The following EFHC1 variants were observed in gnomAD, a reference collection of about 807,000 sequenced individuals.
The protein encoded by EFHC1 is EF-hand domain-containing protein 1.
EFHC1 carries 53 observed loss-of-function variants against 69.9 expected under a neutral mutation model. The observed-to-expected ratio is 0.76, with a 90% CI of 0.61 to 0.95. The LOEUF is 0.95. EFHC1 is among the 40% of genes least tolerant of loss of function. The pLI, the probability that EFHC1 is intolerant of heterozygous loss-of-function variation, is 0.00. For missense variants in EFHC1, 739 were observed against 798.7 expected (o/e 0.93, Z 0.90); for synonymous variants, 256 against 278.4 (o/e 0.92, Z 0.80).
chr6:52,438,178 C>T (rs1764575600), intron 2 of EFHC1, 126 bp from the exon 3 acceptor site: 3 of 912,278 alleles, frequency 3.3e-6, no homozygotes, highest in Middle Eastern at 3.3e-4. Context: ...TCAAGATTTA[C>T]AGGATAGAAG....
At chr6:52,463,965 CTT>C (rs1765235116) in intron 5 of EFHC1, among the ~76,000 whole-genome samples, 1 of 152,184 alleles carries the variant, frequency 6.6e-6, no homozygotes, top group Non-Finnish European at 1.5e-5. Context: ...ATAGCAGAAA[CTT>C]AGCCTTATTC....
chr6:52,496,372 G>A lies in EFHC1; in HGVS notation c.*4031G>A, dbSNP rs1005240832. 2.0e-5 allele frequency: 3 copies of A among 152,286 alleles called. No homozygotes were observed. The highest frequency in any genetic ancestry group is 2.0e-4 in the Admixed American group (3 of 15,284). 9.4% of individuals were successfully genotyped at this position (152,286 alleles called of 1,614,324 possible). On this transcript the variant is annotated 3_prime_UTR_variant, in exon 11 of 11. Coordinates refer to ENST00000371068, the MANE Select transcript of EFHC1 (RefSeq NM_018100.4). The stretch of plus-strand genomic sequence containing the variant: ...GCGGGTAAAGATGGGCTGTGAGTTA[G>A]CCACTACTCAGAAACCTGGGCCTGT...
At chr6:52,490,836 A>G (rs1581854837) in intron 10 of EFHC1, 2 of 178,372 alleles carry the variant, frequency 1.1e-5, no homozygotes, top group East Asian at 2.9e-4. Context: ...AAGGGCATGG[A>G]AGTTTTCTTC....
chr6:52,440,604 G>A (rs922286758), intron 3 of EFHC1, among the ~76,000 whole-genome samples: 1 of 151,914 alleles, frequency 6.6e-6, no homozygotes, highest in Non-Finnish European at 1.5e-5. Context: ...ATACTTGCGG[G>A]TATGTCTTTA....
Position 52,452,755 on chromosome 6 carries a change from A to T in EFHC1, c.641A>T (p.Glu214Val), listed in dbSNP as rs751086702. The T allele has an allele frequency of 1.4e-5, 22 of 1,614,212 alleles. No homozygotes were observed. The South Asian group carries it at 2.4e-4, about 18-fold the overall frequency. Residue 214 changes from glutamate to valine, a missense_variant, in exon 4 of 11, where the codon GAA becomes GTA. Glu to Val is a moderately radical substitution (Grantham distance 121). Transcript: ENST00000371068. ...PEKMALDPYT[E>V]LRKQPLRKYV... ...AAGATGGCTCTTGATCCTTACACTG[A>T]ACTCCGAAAACAGCCTCTTCGTAAG...
chr6:52,443,007 T>C (rs1764699729), intron 3 of EFHC1, among the ~76,000 whole-genome samples: 1 of 151,084 alleles, frequency 6.6e-6, no homozygotes, highest in African/African-American at 2.4e-5. Flanking sequence ...ATGAGATGTG[T>C]GGTTTTGATT....
chr6:52,465,011 T>G lies in EFHC1; in HGVS notation c.1033T>G (p.Tyr345Asp). 5 of 1,614,204 alleles carry G rather than the reference T, an allele frequency of 3.1e-6. No homozygotes were observed. The highest frequency in any genetic ancestry group is 4.2e-6 in the Non-Finnish European group (5 of 1,180,034). The change falls in exon 6 of 11, where the codon TAT becomes GAT. Residue 345 changes from tyrosine (Y) to aspartate (D), a missense_variant. Physicochemically the swap from Tyr to Asp is radical, Grantham distance 160. Coordinates refer to ENST00000371068, the MANE Select transcript of EFHC1 (RefSeq NM_018100.4). ...TATCCTTGGGAGAACTTTCTTCATT[T>G]ATGATTGTGATCCATTTACTCGACG... ...LTILGRTFFI[Y>D]DCDPFTRRYY...
chr6:52,421,787 T>C (rs966761824), intron 1 of EFHC1, among the ~76,000 whole-genome samples: 5 of 152,252 alleles, frequency 3.3e-5, no homozygotes, highest in African/African-American at 9.6e-5. Flanking sequence ...TTCAGTTTTA[T>C]GTAATTTAGA....
At chr6:52,430,534 A>G (rs571739712) in intron 2 of EFHC1, among the ~76,000 whole-genome samples, 45 of 152,290 alleles carry the variant, frequency 3.0e-4, no homozygotes, top group Non-Finnish European at 1.8e-4. Context: ...ATGTTAAATC[A>G]TCCCTGCATC....
At chr6:52,437,237 A>G (rs761617306) in intron 2 of EFHC1, among the ~76,000 whole-genome samples, 22 of 152,172 alleles carry the variant, frequency 1.4e-4, no homozygotes, top group Non-Finnish European at 2.9e-4. Context: ...AAAGAAGTGC[A>G]ATTAACCCTT....
chr6:52,435,129 T>A (rs1432714191), intron 2 of EFHC1, among the ~76,000 whole-genome samples: 1 of 152,150 alleles, frequency 6.6e-6, no homozygotes, highest in Non-Finnish European at 1.5e-5. Context: ...ATGTCCTCTT[T>A]ATGATGATAA....
At chr6:52,471,740 C>G (rs1256824646) in intron 7 of EFHC1, among the ~76,000 whole-genome samples, 1 of 152,008 alleles carries the variant, frequency 6.6e-6, no homozygotes, top group Admixed American at 6.5e-5. Flanking sequence ...TGGTGGCATG[C>G]ACCTGTAATC....
chr6:52,455,382 C>T (rs545929583), intron 5 of EFHC1, among the ~76,000 whole-genome samples: 7 of 151,422 alleles, frequency 4.6e-5, no homozygotes, highest in African/African-American at 9.7e-5. Context: ...GGGCTGGGCA[C>T]GGTGGCTCAC....
At position 52,493,627 on chromosome 6, in the gene EFHC1, G is replaced by A. The variant is rs1011999302; in HGVS notation, c.*1286G>A. On this transcript the variant is annotated 3_prime_UTR_variant, in exon 11 of 11. Coordinates refer to ENST00000371068, the MANE Select transcript of EFHC1 (RefSeq NM_018100.4). ...AGACCACGCCACTGCACTCCATCCA[G>A]CCTGGGTGACAGAGCAAGACTCCAT... The A allele has an allele frequency of 1.1e-5, 5 of 452,252 alleles. No individual in the cohort carries two copies. The highest frequency in any genetic ancestry group is 2.2e-5 in the Non-Finnish European group (5 of 226,520). The allele number at this position is 452,252 out of a possible 1,614,324, so 28.0% of individuals were successfully genotyped here.
intron 2 of EFHC1, chr6:52,429,850 T>G (rs1764379682): frequency 6.6e-6 from 1 of 152,042 alleles, no homozygotes; most frequent in South Asian, 2.1e-4. Flanking sequence ...ATTATTTGTT[T>G]CATTATTTGT....
chr6:52,470,925 A>G (rs1159384439), intron 7 of EFHC1, among the ~76,000 whole-genome samples: 1 of 152,242 alleles, frequency 6.6e-6, no homozygotes, highest in Non-Finnish European at 1.5e-5. Flanking sequence ...AAGTTAAAGC[A>G]TTTACAGAGA....
At chr6:52,453,771 A>G in intron 4 of EFHC1, 1 of 1,264,140 alleles carries the variant, frequency 7.9e-7, no homozygotes, top group Non-Finnish European at 1.0e-6. Context: ...ATATATATAT[A>G]CCACTATGTA....
chr6:52,423,295 A>C (rs1378880360), intron 1 of EFHC1, among the ~76,000 whole-genome samples: 12 of 152,218 alleles, frequency 7.9e-5, no homozygotes, highest in Admixed American at 7.9e-4. Flanking sequence ...CAGATATCAG[A>C]TGAAAAACAT....
chr6:52,443,433 AG>A (rs1764709341), intron 3 of EFHC1, among the ~76,000 whole-genome samples: 1 of 152,168 alleles, frequency 6.6e-6, no homozygotes. Context: ...CTAACATTTA[AG>A]TCTTTAATCC....
Sources: allele counts gnomAD v4.1 joint callset (sites outside exome capture counted in the v4.1 genomes callset), GRCh38; gene constraint gnomAD v4.1.1; transcripts MANE v1.5; gene names NCBI Gene and HGNC (gene_info 2026-07-23, HGNC 2026-07-21).